NPHP4: variants seen among roughly 807,000 people sequenced by gnomAD.
NPHP4 encodes the protein nephrocystin-4.
Under a neutral mutation model 155.8 loss-of-function variants are expected in NPHP4, and 151 were observed. The observed-to-expected ratio is 0.97, with a 90% CI of 0.85 to 1.11. The LOEUF (loss-of-function observed/expected upper bound fraction) is 1.11, where lower values mean the gene tolerates loss of function less well. Ranked by LOEUF, NPHP4 falls within the 50% of genes least tolerant of loss-of-function variation. The pLI, the probability that NPHP4 is intolerant of heterozygous loss-of-function variation, is 0.00. For missense variants in NPHP4, 1,956 were observed against 1,925.7 expected, an observed-to-expected ratio of 1.02 and a Z score of -0.29; for synonymous variants, 845 against 816.8, an observed-to-expected ratio of 1.03 and a Z score of -0.59.
Position 5,907,125 on chromosome 1 carries a change from G to A in NPHP4, c.1601C>T (p.Pro534Leu), listed in dbSNP as rs774461392. ...SQLPHGSQAS[P>L]AQAQEFPLEA... is the part of the protein sequence containing the mutation. ...GTGGGCGGCACTTACTGCCTGGGCCGGGGAGGCCTGAGAGCCATGGGGTAG... is the reference window on the plus strand; with the variant it reads ...GTGGGCGGCACTTACTGCCTGGGCCAGGGAGGCCTGAGAGCCATGGGGTAG... The change falls in exon 13 of 30, where the codon CCG (proline) becomes CTG (leucine). Residue 534 changes from proline to leucine, a missense_variant. Transcript: ENST00000378156. 9.1e-6 allele frequency: 14 copies of A among 1,536,170 alleles called. No individual in the cohort carries two copies. The highest frequency in any genetic ancestry group is 2.7e-5 in the African/African-American group (2 of 72,914).
Position 5,904,599 on chromosome 1 carries a change from A to G in NPHP4, c.2143+18T>C. 6.3e-7 allele frequency: 1 copy of G among 1,576,856 alleles called. No homozygotes were observed. Among genetic ancestry groups the G allele is most frequent in the Non-Finnish European group, 8.7e-7 (1 of 1,155,066 alleles). ...CAGTACAGAATGTCTTGCCTTTGCC[A>G]TGCACATGAGTACTCACCAGCATCA... is the stretch of plus-strand genomic sequence containing the variant. On this transcript the variant is annotated intron_variant, in intron 16 of 29. Coordinates refer to ENST00000378156, the MANE Select transcript of NPHP4 (RefSeq NM_015102.5).
At chr1:5,870,446 T>C (rs564391789) in intron 23 of NPHP4, among the ~76,000 whole-genome samples, 1 of 152,180 alleles carries the variant, frequency 6.6e-6, no homozygotes, top group African/African-American at 2.4e-5. Context: ...AGAGAAGGAA[T>C]GATGGAATTG....
At chr1:5,888,795 A>C (rs986946472) in intron 17 of NPHP4, among the ~76,000 whole-genome samples, 1 of 152,208 alleles carries the variant, frequency 6.6e-6, no homozygotes, top group Admixed American at 6.5e-5. Flanking sequence ...TGTCTTCAGG[A>C]AGTGCAGGCC....
At chr1:5,869,168 A>C (rs1451977811) in intron 23 of NPHP4, among the ~76,000 whole-genome samples, 6 of 147,724 alleles carry the variant, frequency 4.1e-5, no homozygotes, top group Admixed American at 1.4e-4. Flanking sequence ...ACACGCACCC[A>C]CATGCACACA....
intron 13 of NPHP4, among the ~76,000 whole-genome samples, chr1:5,906,728 C>T (rs967230951): frequency 5.3e-5 from 8 of 152,374 alleles, no homozygotes; most frequent in Admixed American, 5.2e-4. Context: ...GCTCCACTCA[C>T]CTCCTTTAGC....
At position 5,951,150 on chromosome 1, in the gene NPHP4, C is replaced by T. The variant is rs546176738; in HGVS notation, c.810+1550G>A. Reference sequence around the variant, plus strand: ...TAGCACAAAGGCCCGAGGGAATGGGCGGGGAGGAAGGTGCAGCCGGAGGAG... The same window carrying T: ...TAGCACAAAGGCCCGAGGGAATGGGTGGGGAGGAAGGTGCAGCCGGAGGAG... On this transcript the variant is annotated intron_variant, in intron 7 of 29. Transcript: ENST00000378156. Among the ~76,000 whole-genome samples the T allele has an allele frequency of 2.0e-5, 3 of 152,254 alleles. No individual in the cohort carries two copies. The South Asian group carries it at 6.2e-4, about 32-fold the overall frequency.
chr1:5,888,510 T>C (rs990453936), intron 17 of NPHP4: 18 of 1,304,330 alleles, frequency 1.4e-5, no homozygotes, highest in Admixed American at 6.5e-5. Context: ...CAGACCCTGG[T>C]CGCTTTGCCA....
At chr1:5,963,302 G>A (rs1311220930) in intron 5 of NPHP4, among the ~76,000 whole-genome samples, 1 of 152,034 alleles carries the variant, frequency 6.6e-6, no homozygotes, top group Non-Finnish European at 1.5e-5. Flanking sequence ...CGCTGAGGCA[G>A]GAGAATCGCT....
At position 5,907,200 on chromosome 1, in the gene NPHP4, G is replaced by A; in HGVS notation, c.1526C>T (p.Ala509Val). 1 of 1,582,892 alleles carries A rather than the reference G, an allele frequency of 6.3e-7. No individual in the cohort carries two copies. The highest frequency in any genetic ancestry group is 8.6e-7 in the Non-Finnish European group (1 of 1,163,842). The change falls in exon 13 of 30, where the codon GCC becomes GTC. Residue 509 changes from alanine to valine, a missense_variant. By Grantham distance (64) the Ala-to-Val change is moderately conservative (BLOSUM62 0). Transcript: ENST00000378156. ...GPGLSISQLA[A>V]SPRSPTQHCL... is the part of the protein sequence containing the mutation. ...GTGCTGAGTCGGGGACCGCGGGGAGGCCGCCAGCTGGGAAATTGACAACTG... is the reference window on the plus strand; with the variant it reads ...GTGCTGAGTCGGGGACCGCGGGGAGACCGCCAGCTGGGAAATTGACAACTG...
At chr1:5,936,819 G>T (rs1045105319) in intron 9 of NPHP4, among the ~76,000 whole-genome samples, 3 of 152,160 alleles carry the variant, frequency 2.0e-5, no homozygotes, top group African/African-American at 4.8e-5. Context: ...CCTAATCCCC[G>T]GAACCTGTGG....
rs114955750 is a variant in NPHP4, at chr1:5,882,100, C to A, written c.2486-1861G>T. On this transcript the variant is annotated intron_variant, in intron 18 of 29. Coordinates refer to ENST00000378156, the MANE Select transcript of NPHP4 (RefSeq NM_015102.5). This position sits in a 1 kb window ranked among gnomAD's most constrained non-coding sequence, Gnocchi z 5.1. ...ACGGCCACGCTCACAGCCGTCACTG[C>A]GAAGGATGGGAAGGCTGGCTGCCTC... The A allele has an allele frequency of 1.3e-5, 2 of 152,300 alleles. No homozygotes were observed. The highest frequency in any genetic ancestry group is 2.1e-4 in the South Asian group (1 of 4,864). 9.4% of individuals were successfully genotyped at this position (152,300 alleles called of 1,614,324 possible).
At chr1:5,870,642 A>T (rs1159776065) in intron 23 of NPHP4, among the ~76,000 whole-genome samples, 2 of 152,234 alleles carry the variant, frequency 1.3e-5, no homozygotes, top group African/African-American at 4.8e-5. Context: ...ACAGGAAAAA[A>T]GCATGGCAGA....
intron 7 of NPHP4, among the ~76,000 whole-genome samples, chr1:5,948,861 C>A (rs1487896964): frequency 6.6e-6 from 1 of 152,214 alleles, no homozygotes; most frequent in Non-Finnish European, 1.5e-5. Context: ...AGTGTTTCAT[C>A]TTAACAAAAA....
At chr1:5,942,894 C>T (rs995670731) in intron 9 of NPHP4, among the ~76,000 whole-genome samples, 1 of 152,142 alleles carries the variant, frequency 6.6e-6, no homozygotes, top group African/African-American at 2.4e-5. Flanking sequence ...GGAGGATGCC[C>T]GCTTATTCAG....
chr1:5,887,480 A>C lies in NPHP4; in HGVS notation c.2305-14T>G, dbSNP rs1396454920. On this transcript the variant is annotated splice_polypyrimidine_tract_variant and intron_variant, in intron 17 of 29. Coordinates refer to ENST00000378156, the MANE Select transcript of NPHP4 (RefSeq NM_015102.5). Reference sequence around the variant, plus strand: ...GCGGAGGAGATGCTGCAGAAGAGAAAAGCGCGTTCAGAGGCTGGAGCCGGC... The same window carrying C: ...GCGGAGGAGATGCTGCAGAAGAGAACAGCGCGTTCAGAGGCTGGAGCCGGC... 11 of 1,611,804 alleles carry C rather than the reference A, an allele frequency of 6.8e-6. No individual in the cohort carries two copies. Among genetic ancestry groups the C allele is most frequent in the Non-Finnish European group, 8.5e-6 (10 of 1,179,666 alleles).
At chr1:5,958,521 C>G (rs975401226) in intron 6 of NPHP4, among the ~76,000 whole-genome samples, 2 of 152,066 alleles carry the variant, frequency 1.3e-5, no homozygotes, top group Non-Finnish European at 2.9e-5. Flanking sequence ...GTGGTGAAAC[C>G]CCGTCTCAAC....
At chr1:5,980,415 G>A (rs1316015567) in intron 2 of NPHP4, among the ~76,000 whole-genome samples, 1 of 152,150 alleles carries the variant, frequency 6.6e-6, no homozygotes, top group Non-Finnish European at 1.5e-5. Flanking sequence ...AGCGCCAGGC[G>A]CAAGAGCGTT....
At chr1:5,970,076 G>A (rs1217327321) in intron 3 of NPHP4, among the ~76,000 whole-genome samples, 1 of 152,136 alleles carries the variant, frequency 6.6e-6, no homozygotes, top group African/African-American at 2.4e-5. Flanking sequence ...GGGAGAGGAG[G>A]CCTGGGAAGA....
intron 23 of NPHP4, among the ~76,000 whole-genome samples, chr1:5,869,707 T>C (rs1641803155): frequency 6.6e-6 from 1 of 152,200 alleles, no homozygotes; most frequent in African/African-American, 2.4e-5. Context: ...TTTTGAAATA[T>C]ACACGTACAT....
Sources: gnomAD v4.1 joint callset for allele counts (sites outside exome capture counted in the v4.1 genomes callset) on GRCh38, gnomAD v4.1.1 for gene constraint, Gnocchi (gnomAD v3.1) non-coding constraint, MANE v1.5 for transcripts, NCBI Gene and HGNC (gene_info 2026-07-23, HGNC 2026-07-21) for gene names.